SH3GL2: variants seen among roughly 807,000 people sequenced by gnomAD.
SH3GL2 encodes endophilin-A1.
Under a neutral mutation model 46.0 loss-of-function variants are expected in SH3GL2, and 24 were observed. That is an observed-to-expected ratio of 0.52 (90% confidence interval 0.38 to 0.73). The LOEUF (loss-of-function observed/expected upper bound fraction) is 0.73, where lower values mean the gene tolerates loss of function less well. Ranked by LOEUF, SH3GL2 falls within the 30% of genes least tolerant of loss-of-function variation. The probability of loss-of-function intolerance (pLI) is 0.00; values close to 1 mark genes in which losing one functional copy is unlikely to be tolerated. For missense variants in SH3GL2, 413 were observed against 424.2 expected (o/e 0.97, Z 0.23); for synonymous variants, 196 against 147.1 (o/e 1.33, Z -2.40).
At chr9:17,787,158 T>G (rs1468781723) in intron 4 of SH3GL2, among the ~76,000 whole-genome samples, 1 of 152,122 alleles carries the variant, frequency 6.6e-6, no homozygotes, top group Non-Finnish European at 1.5e-5. Flanking sequence ...AATTGCTTCT[T>G]AAAGGAAAAA....
intron 1 of SH3GL2, among the ~76,000 whole-genome samples, chr9:17,725,678 G>C (rs1291381026): frequency 1.3e-5 from 2 of 152,076 alleles, no homozygotes; most frequent in Non-Finnish European, 2.9e-5. Flanking sequence ...AGTGAGCTGG[G>C]GTTGGGGTTT....
Position 17,785,278 on chromosome 9 carries a change from A to G in SH3GL2, c.188-1103A>G, listed in dbSNP as rs549013819. ...GCACTTGGCATATTTACTTCACTCT[A>G]ATTAATTTTAAAATAGACTCTACCC... On this transcript the variant is annotated intron_variant, in intron 3 of 8. Coordinates refer to ENST00000380607, the MANE Select transcript of SH3GL2 (RefSeq NM_003026.5). 2.0e-5 allele frequency among the ~76,000 whole-genome samples: 3 copies of G among 152,194 alleles called. No individual in the cohort carries two copies. In the East Asian group the frequency reaches 5.8e-4, roughly 29 times the overall value.
intron 3 of SH3GL2, among the ~76,000 whole-genome samples, chr9:17,768,496 A>T (rs745681878): frequency 6.6e-6 from 1 of 152,086 alleles, no homozygotes; most frequent in Non-Finnish European, 1.5e-5. Flanking sequence ...GTCCCTAAAT[A>T]CTATAAATAA....
At chr9:17,680,737 G>T (rs1220320105) in intron 1 of SH3GL2, among the ~76,000 whole-genome samples, 3 of 151,960 alleles carry the variant, frequency 2.0e-5, no homozygotes, top group Admixed American at 6.6e-5. Flanking sequence ...GTGAATTTTA[G>T]ATCTTTCCTG....
intron 1 of SH3GL2, among the ~76,000 whole-genome samples, chr9:17,677,841 C>G (rs1321903550): frequency 1.3e-5 from 2 of 151,608 alleles, no homozygotes; most frequent in Non-Finnish European, 2.9e-5. Context: ...CAAGTGTTCT[C>G]ATTGTTCAAT....
chr9:17,687,311 A>G (rs1160954759), intron 1 of SH3GL2, among the ~76,000 whole-genome samples: 3 of 152,132 alleles, frequency 2.0e-5, no homozygotes, highest in East Asian at 3.9e-4. Context: ...TTTGCAGTTC[A>G]CTGTGACTTC....
At chr9:17,746,160 C>CGT (rs1554646079) in intron 1 of SH3GL2, among the ~76,000 whole-genome samples, 1 of 152,048 alleles carries the variant, frequency 6.6e-6, no homozygotes, top group African/African-American at 2.4e-5. Flanking sequence ...CTGCAGGCTC[C>CGT]GCCCCGCTGT....
At chr9:17,684,296 A>G (rs796447780) in intron 1 of SH3GL2, among the ~76,000 whole-genome samples, 1 of 152,118 alleles carries the variant, frequency 6.6e-6, no homozygotes, top group Non-Finnish European at 1.5e-5. Context: ...AGTAACAGAG[A>G]TGAACGATGC....
intron 1 of SH3GL2, among the ~76,000 whole-genome samples, chr9:17,737,177 G>T (rs1310547901): frequency 6.6e-6 from 1 of 151,804 alleles, no homozygotes; most frequent in Non-Finnish European, 1.5e-5. Flanking sequence ...ACAGAGAGGG[G>T]AACACCACAC....
At chr9:17,717,931 A>G (rs547936335) in intron 1 of SH3GL2, among the ~76,000 whole-genome samples, 1 of 152,196 alleles carries the variant, frequency 6.6e-6, no homozygotes, top group East Asian at 1.9e-4. Context: ...GTTCCACATA[A>G]TTAATAAGTT....
intron 1 of SH3GL2, among the ~76,000 whole-genome samples, chr9:17,585,146 C>T (rs750705968): frequency 1.3e-5 from 2 of 152,092 alleles, no homozygotes; most frequent in African/African-American, 2.4e-5. Flanking sequence ...CATACAGAGT[C>T]TCAGGGCATC....
At chr9:17,690,678 C>A (rs1821053538) in intron 1 of SH3GL2, among the ~76,000 whole-genome samples, 1 of 152,108 alleles carries the variant, frequency 6.6e-6, no homozygotes, top group African/African-American at 2.4e-5. Context: ...GGGAGAATTA[C>A]TCTCTCTCCA....
intron 3 of SH3GL2, among the ~76,000 whole-genome samples, chr9:17,776,582 T>G (rs541528913): frequency 2.0e-5 from 3 of 152,148 alleles, no homozygotes; most frequent in Admixed American, 1.3e-4. Context: ...ATCAGGAACA[T>G]TGTACTTAAC....
chr9:17,590,699 G>C (rs1818466001), intron 1 of SH3GL2: 1 of 152,196 alleles, frequency 6.6e-6, no homozygotes, highest in African/African-American at 2.4e-5. Context: ...AGAAAAGCTG[G>C]AAGAATGTCA....
At chr9:17,584,363 C>T (rs1183570536) in intron 1 of SH3GL2, among the ~76,000 whole-genome samples, 2 of 152,026 alleles carry the variant, frequency 1.3e-5, no homozygotes, top group South Asian at 2.1e-4. Context: ...ATTAGCTGGG[C>T]GAGGTGGCAG....
intron 1 of SH3GL2, among the ~76,000 whole-genome samples, chr9:17,648,511 C>T (rs541814324): frequency 3.9e-4 from 60 of 152,300 alleles, no homozygotes; most frequent in Non-Finnish European, 4.0e-4. Flanking sequence ...CACTCAAAAA[C>T]ATCCAGGGTT....
In SH3GL2 at chr9:17,766,744, A is replaced by G. The variant is rs1344514636; in HGVS notation, c.187+5235A>G. 7.2e-5 allele frequency among the ~76,000 whole-genome samples: 11 copies of G among 152,284 alleles called. No homozygotes were observed. The South Asian group carries it at 1.9e-3, about 26-fold the overall frequency. ...CAGCACATTTCAATTTGGACTAGCC[A>G]CATTTCAGGTGCTCAGCAGCCCGCT... On this transcript the variant is annotated intron_variant, in intron 3 of 8. Transcript: ENST00000380607.
chr9:17,791,953 T>C (rs1385410581), intron 7 of SH3GL2, among the ~76,000 whole-genome samples: 1 of 152,228 alleles, frequency 6.6e-6, no homozygotes, highest in African/African-American at 2.4e-5. Flanking sequence ...CGTGGAGTTG[T>C]GGGGCACAGC....
chr9:17,623,039 T>TCCTTTCCTTTCCCTTCCTTTCCTTC (rs1563786548), intron 1 of SH3GL2, among the ~76,000 whole-genome samples: 1 of 84,224 alleles, frequency 1.2e-5, no homozygotes, highest in Non-Finnish European at 2.3e-5. Context: ...TCCTTTCCTT[T>TCCTTTCCTTTCCCTTCCTTTCCTTC]CCTTCCCCTT....
Sources: gnomAD v4.1 joint callset for allele counts (sites outside exome capture counted in the v4.1 genomes callset) on GRCh38, gnomAD v4.1.1 for gene constraint, MANE v1.5 for transcripts, NCBI Gene and HGNC (gene_info 2026-07-23, HGNC 2026-07-21) for gene names.